Variants in PACRG observed in about 807,000 individuals in gnomAD.
PACRG encodes the protein parkin coregulated, also known as parkin coregulated gene protein.
Under a neutral mutation model 29.7 loss-of-function variants are expected in PACRG, and 29 were observed. That is an observed-to-expected ratio of 0.98 (90% confidence interval 0.73 to 1.33). The LOEUF is 1.33. Ranked by LOEUF, PACRG falls within the 40% of genes most tolerant of loss-of-function variation. The probability of loss-of-function intolerance (pLI) is 0.00; values close to 1 mark genes in which losing one functional copy is unlikely to be tolerated. For missense variants in PACRG, 279 were observed against 316.2 expected, an observed-to-expected ratio of 0.88 and a Z score of 0.89; for synonymous variants, 116 against 118.7, an observed-to-expected ratio of 0.98 and a Z score of 0.15.
chr6:163,167,613 A>G (rs1432253853), intron 4 of PACRG, among the ~76,000 whole-genome samples: 1 of 152,234 alleles, frequency 6.6e-6, no homozygotes, highest in Non-Finnish European at 1.5e-5. Context: ...GTGACTTGGT[A>G]AAAAGTAATA....
At chr6:163,296,878 A>T (rs999606322) in intron 4 of PACRG, among the ~76,000 whole-genome samples, 1 of 152,180 alleles carries the variant, frequency 6.6e-6, no homozygotes. Flanking sequence ...TTATAATGTT[A>T]TCTCTTCTAA....
intron 2 of PACRG, among the ~76,000 whole-genome samples, chr6:162,982,050 A>C (rs568224010): frequency 2.0e-5 from 3 of 151,144 alleles, no homozygotes; most frequent in Non-Finnish European, 4.4e-5. Flanking sequence ...GAATTTATCT[A>C]TCTCCTCCAG....
chr6:163,085,921 A>G (rs553323895), intron 3 of PACRG, among the ~76,000 whole-genome samples: 1 of 152,334 alleles, frequency 6.6e-6, no homozygotes, highest in Non-Finnish European at 1.5e-5. Flanking sequence ...TAAAACAGTG[A>G]TGGGCATGTA....
chr6:163,202,761 C>G (rs1374616725), intron 4 of PACRG, among the ~76,000 whole-genome samples: 1 of 152,124 alleles, frequency 6.6e-6, no homozygotes, highest in Non-Finnish European at 1.5e-5. Context: ...GCAATTTTGC[C>G]TAAATCTCAT....
intron 2 of PACRG, among the ~76,000 whole-genome samples, chr6:163,047,132 T>C (rs1280010474): frequency 6.6e-6 from 1 of 152,216 alleles, no homozygotes; most frequent in Non-Finnish European, 1.5e-5. Flanking sequence ...ATACCAGTGG[T>C]GAAAGCCACA....
chr6:163,095,993 G>A (rs1814546698), intron 4 of PACRG, among the ~76,000 whole-genome samples: 1 of 152,280 alleles, frequency 6.6e-6, no homozygotes, highest in African/African-American at 2.4e-5. Context: ...TCACATTGCT[G>A]TAACTAGTGT....
intron 4 of PACRG, chr6:163,184,967 A>G (rs1402956436): frequency 6.6e-6 from 1 of 152,226 alleles, no homozygotes; most frequent in Non-Finnish European, 1.5e-5. Context: ...AGGCCAGATC[A>G]TGGAAGATTT....
chr6:163,304,005 G>A (rs1785100072), intron 4 of PACRG, among the ~76,000 whole-genome samples: 1 of 92,816 alleles, frequency 1.1e-5, no homozygotes, highest in South Asian at 3.8e-4. Context: ...GACAGAGCAA[G>A]ACTCCATTTC....
At chr6:163,216,712 A>G (rs1222152651) in intron 4 of PACRG, among the ~76,000 whole-genome samples, 2 of 152,166 alleles carry the variant, frequency 1.3e-5, no homozygotes, top group African/African-American at 4.8e-5. Flanking sequence ...GCAGAGATAC[A>G]ACTTTATCAT....
intron 2 of PACRG, among the ~76,000 whole-genome samples, chr6:163,048,546 A>G (rs1033796788): frequency 2.0e-5 from 3 of 152,138 alleles, no homozygotes; most frequent in African/African-American, 7.2e-5. Flanking sequence ...GGCCTCGGTG[A>G]GATTGAACTC....
At chr6:162,849,891 G>C (rs1427354486) in intron 2 of PACRG, among the ~76,000 whole-genome samples, 5 of 152,176 alleles carry the variant, frequency 3.3e-5, no homozygotes, top group African/African-American at 4.8e-5. Context: ...AACTTGACTA[G>C]TAATGAGTTA....
chr6:163,233,750 G>A (rs187760828), intron 4 of PACRG, among the ~76,000 whole-genome samples: 1 of 152,266 alleles, frequency 6.6e-6, no homozygotes, highest in African/African-American at 2.4e-5. Flanking sequence ...TAATAACACA[G>A]AATTGTGAGT....
chr6:163,037,744 C>T (rs986973901), intron 2 of PACRG, among the ~76,000 whole-genome samples: 3 of 151,924 alleles, frequency 2.0e-5, no homozygotes, highest in Admixed American at 6.6e-5. Context: ...CATGCATGCA[C>T]ACACACACAC....
chr6:162,835,310 C>G (rs1789125280), intron 2 of PACRG, among the ~76,000 whole-genome samples: 1 of 151,962 alleles, frequency 6.6e-6, no homozygotes. Flanking sequence ...CATTTGTCAT[C>G]CTTTGAGAAT....
chr6:162,835,846 G>T (rs946311281), intron 2 of PACRG, among the ~76,000 whole-genome samples: 8 of 152,080 alleles, frequency 5.3e-5, no homozygotes, highest in Admixed American at 2.0e-4. Context: ...CTCTTTTAAG[G>T]TCTTCTGTTA....
intron 4 of PACRG, chr6:163,170,498 C>A (rs1779023774): frequency 6.6e-6 from 1 of 152,216 alleles, no homozygotes; most frequent in Non-Finnish European, 1.5e-5. Context: ...CCCAGAATCC[C>A]CTGCTCCCGC....
At chr6:163,077,592 A>G (rs753673740) in intron 3 of PACRG, among the ~76,000 whole-genome samples, 2 of 152,226 alleles carry the variant, frequency 1.3e-5, no homozygotes, top group African/African-American at 4.8e-5. Context: ...TACAATTGAA[A>G]TGCATTACCC....
At chr6:163,263,107 A>C (rs529154682) in intron 4 of PACRG, among the ~76,000 whole-genome samples, 2 of 147,600 alleles carry the variant, frequency 1.4e-5, no homozygotes, top group African/African-American at 2.5e-5. Flanking sequence ...ATAAATTTAC[A>C]TACTAGATCC....
chr6:162,755,106 T>A (rs754739619), intron 1 of PACRG, among the ~76,000 whole-genome samples: 4 of 152,160 alleles, frequency 2.6e-5, no homozygotes, highest in Non-Finnish European at 5.9e-5. Flanking sequence ...TTTCTTATGA[T>A]CCTTTGTATT....
Sources: allele counts gnomAD v4.1 joint callset (sites outside exome capture counted in the v4.1 genomes callset), GRCh38; gene constraint gnomAD v4.1.1; transcripts MANE v1.5; gene names NCBI Gene and HGNC (gene_info 2026-07-23, HGNC 2026-07-21).